The following ABCA1 variants were observed in gnomAD, a reference collection of about 807,000 sequenced individuals.
ABCA1 encodes the protein ATP binding cassette subfamily A member 1.
ABCA1 carries 133 observed loss-of-function variants against 262.5 expected under a neutral mutation model. The observed-to-expected ratio is 0.51, with a 90% CI of 0.44 to 0.59. The LOEUF is 0.59. ABCA1 is among the 20% of genes least tolerant of loss of function. ABCA1 has a pLI of 0.00. For synonymous variants in ABCA1, 1,022 were observed against 1,043.5 expected, an observed-to-expected ratio of 0.98 and a Z score of 0.40; for missense variants, 2,452 against 2,777.5, an observed-to-expected ratio of 0.88 and a Z score of 2.63.
chr9:104,787,853 G>A (rs894487748), intron 46 of ABCA1, 67 bp downstream of exon 46: 38 of 1,613,600 alleles, frequency 2.4e-5, no homozygotes, highest in Non-Finnish European at 3.1e-5. Context: ...GGACATATAG[G>A]ACTTTTGAAC....
intron 27 of ABCA1, among the ~76,000 whole-genome samples, chr9:104,813,889 G>A (rs1288399947): frequency 1.3e-5 from 2 of 152,222 alleles, no homozygotes; most frequent in African/African-American, 4.8e-5. Flanking sequence ...GAGGATTGAG[G>A]CACCATCTTT....
intron 32 of ABCA1, 139 bp from the exon 33 acceptor site, chr9:104,803,455 T>C (rs1830509871): frequency 2.3e-6 from 2 of 875,318 alleles, no homozygotes; most frequent in Admixed American, 3.9e-5. Flanking sequence ...CTTGTAGGGT[T>C]GTGCTAGAGA....
intron 8 of ABCA1, among the ~76,000 whole-genome samples, chr9:104,845,159 G>T (rs921569066): frequency 1.3e-5 from 2 of 152,176 alleles, no homozygotes; most frequent in African/African-American, 4.8e-5. Flanking sequence ...AGCAGTGCAT[G>T]GGCAGTGGCA....
At chr9:104,926,737 A>G (rs1312803936) in intron 1 of ABCA1, among the ~76,000 whole-genome samples, 6 of 152,010 alleles carry the variant, frequency 3.9e-5, no homozygotes, top group Non-Finnish European at 7.4e-5. Context: ...CGCCGGGGTT[A>G]CTCCCGGTCA....
intron 2 of ABCA1, chr9:104,889,424 C>T (rs1839513381): frequency 1.0e-5 from 10 of 956,254 alleles, no homozygotes; most frequent in Middle Eastern, 5.3e-4. Context: ...TGCTTCCTAT[C>T]GTGCTTTATC....
intron 5 of ABCA1, among the ~76,000 whole-genome samples, chr9:104,862,654 C>CAGGGCAGGGCAGGGCA (rs1836603364): frequency 1.3e-4 from 1 of 7,514 alleles, no homozygotes; most frequent in African/African-American, 6.6e-4. Flanking sequence ...CGGGCCGGGC[C>CAGGGCAGGGCAGGGCA]GGGCCGGGCC....
chr9:104,807,725 A>G (rs1830893782), intron 30 of ABCA1, among the ~76,000 whole-genome samples: 1 of 151,748 alleles, frequency 6.6e-6, no homozygotes, highest in Non-Finnish European at 1.5e-5. Context: ...AGGTAGGAGA[A>G]TCACTTGAAC....
At chr9:104,845,438 G>T (rs757334778) in intron 8 of ABCA1, 39 bp downstream of exon 8, 2 of 1,430,578 alleles carry the variant, frequency 1.4e-6, no homozygotes, top group South Asian at 1.2e-5. Context: ...CTGATACAGT[G>T]GATGATCCGC....
chr9:104,892,574 T>C (rs1455495144), intron 2 of ABCA1, among the ~76,000 whole-genome samples: 1 of 152,186 alleles, frequency 6.6e-6, no homozygotes, highest in Non-Finnish European at 1.5e-5. Context: ...CCAGGGACCC[T>C]ATTTATATAT....
intron 20 of ABCA1, among the ~76,000 whole-genome samples, chr9:104,820,440 G>A (rs898708117): frequency 2.0e-5 from 3 of 152,114 alleles, no homozygotes; most frequent in Non-Finnish European, 4.4e-5. Flanking sequence ...CAGCCTTCCT[G>A]AGCCTCAGGG....
At chr9:104,895,376 G>A (rs1392795391) in intron 2 of ABCA1, among the ~76,000 whole-genome samples, 1 of 152,210 alleles carries the variant, frequency 6.6e-6, no homozygotes, top group Non-Finnish European at 1.5e-5. Context: ...TAGGTGTTGT[G>A]AGAGACTCTC....
At chr9:104,808,235 C>T (rs1830967033) in intron 30 of ABCA1, among the ~76,000 whole-genome samples, 1 of 152,162 alleles carries the variant, frequency 6.6e-6, no homozygotes, top group South Asian at 2.1e-4. Context: ...CATGTTTGAA[C>T]CCTCTGATGT....
chr9:104,878,557 G>A (rs981894137), intron 5 of ABCA1, among the ~76,000 whole-genome samples: 2 of 152,060 alleles, frequency 1.3e-5, no homozygotes, highest in Non-Finnish European at 2.9e-5. Flanking sequence ...TGTAGACTTG[G>A]GACAGTCACT....
intron 1 of ABCA1, among the ~76,000 whole-genome samples, chr9:104,919,675 G>T (rs535772339): frequency 6.6e-6 from 1 of 151,954 alleles, no homozygotes. Flanking sequence ...TTTTATTTTA[G>T]AGAGATTTTC....
At chr9:104,905,189 AC>A (rs1274744578) in intron 1 of ABCA1, among the ~76,000 whole-genome samples, 7 of 152,160 alleles carry the variant, frequency 4.6e-5, no homozygotes, top group Admixed American at 4.6e-4. Flanking sequence ...GTAGGGTGGG[AC>A]ACTGGGCATG....
At chr9:104,908,964 G>A (rs915116013) in intron 1 of ABCA1, among the ~76,000 whole-genome samples, 3 of 152,144 alleles carry the variant, frequency 2.0e-5, no homozygotes, top group African/African-American at 7.2e-5. Context: ...TCATACTTTT[G>A]TAAAGGGGAA....
At chr9:104,860,809 T>C (rs1465338764) in intron 6 of ABCA1, among the ~76,000 whole-genome samples, 1 of 140,818 alleles carries the variant, frequency 7.1e-6, no homozygotes, top group African/African-American at 2.8e-5. Context: ...CAGGCTGGAG[T>C]GCAATGGCGT....
At chr9:104,821,028 A>T (rs1832283455) in intron 20 of ABCA1, among the ~76,000 whole-genome samples, 1 of 152,194 alleles carries the variant, frequency 6.6e-6, no homozygotes, top group South Asian at 2.1e-4. Context: ...GCGGATCACG[A>T]GGTCAAGACA....
chr9:104,891,307 G>A (rs1310741245), intron 2 of ABCA1, among the ~76,000 whole-genome samples: 5 of 152,070 alleles, frequency 3.3e-5, no homozygotes, highest in Non-Finnish European at 7.4e-5. Flanking sequence ...GCTCATGCCT[G>A]TAATCACTTT....
Sources: gnomAD v4.1 joint callset for allele counts (sites outside exome capture counted in the v4.1 genomes callset) on GRCh38, gnomAD v4.1.1 for gene constraint, MANE v1.5 for transcripts, NCBI Gene and HGNC (gene_info 2026-07-23, HGNC 2026-07-21) for gene names.